Variants in BMPR2 observed in about 807,000 individuals in gnomAD.
BMPR2 encodes the protein bone morphogenetic protein receptor type 2.
Under a neutral mutation model 100.8 loss-of-function variants are expected in BMPR2, and 29 were observed. The ratio of observed to expected loss-of-function variants is 0.29; its 90% confidence interval spans 0.21 to 0.39. BMPR2 has a LOEUF of 0.39. BMPR2 is among the 10% of genes least tolerant of loss of function. The probability of loss-of-function intolerance (pLI) is 1.00; values close to 1 mark genes in which losing one functional copy is unlikely to be tolerated. For missense variants in BMPR2, 1,011 were observed against 1,274.5 expected, an observed-to-expected ratio of 0.79 and a Z score of 3.15; for synonymous variants, 382 against 442.3, an observed-to-expected ratio of 0.86 and a Z score of 1.71.
intron 7 of BMPR2, among the ~76,000 whole-genome samples, chr2:202,525,789 T>C (rs925960187): frequency 6.6e-6 from 1 of 152,006 alleles, no homozygotes; most frequent in Non-Finnish European, 1.5e-5. Context: ...GCTATGTAGT[T>C]ATATTCCCTG....
intron 3 of BMPR2, among the ~76,000 whole-genome samples, chr2:202,509,087 A>C (rs946620585): frequency 2.6e-5 from 4 of 152,154 alleles, no homozygotes; most frequent in Admixed American, 1.3e-4. Flanking sequence ...GCTGTATGAG[A>C]GTGATTTTAA....
At chr2:202,453,205 C>CT (rs5837819) in intron 1 of BMPR2, among the ~76,000 whole-genome samples, 29,368 of 148,626 alleles carry the variant, frequency 0.2, 3,564 homozygotes, top group East Asian at 0.54. Context: ...TATATACTGT[C>CT]TTTTTTTTTT....
intron 1 of BMPR2, among the ~76,000 whole-genome samples, chr2:202,433,862 C>T (rs1038354137): frequency 2.0e-5 from 3 of 150,138 alleles, no homozygotes; most frequent in Non-Finnish European, 2.9e-5. Context: ...GAGCCAAGAT[C>T]GCACGACTAC....
intron 1 of BMPR2, among the ~76,000 whole-genome samples, chr2:202,425,268 G>C (rs1427101879): frequency 2.0e-5 from 3 of 152,158 alleles, no homozygotes; most frequent in African/African-American, 7.2e-5. Context: ...CCTTGCCCCA[G>C]CCAGAATAGA....
At chr2:202,522,220 A>C (rs1315621326) in intron 7 of BMPR2, among the ~76,000 whole-genome samples, 1 of 152,008 alleles carries the variant, frequency 6.6e-6, no homozygotes, top group Non-Finnish European at 1.5e-5. Flanking sequence ...TAAGAATTTA[A>C]TTCTTGGCCG....
At chr2:202,450,398 G>A (rs1202811794) in intron 1 of BMPR2, among the ~76,000 whole-genome samples, 1 of 152,038 alleles carries the variant, frequency 6.6e-6, no homozygotes. Flanking sequence ...CTTTACAAAA[G>A]ATTTCACCAT....
rs1408517445 is a variant in BMPR2 at position 202,441,101 on chromosome 2, C to T, written c.77-23708C>T. ...GTTCAAGCAAATCACCTTCCTCAGC[C>T]TCCCGAGTAGCTGGGACTACAGGCG... On this transcript the variant is annotated intron_variant, in intron 1 of 12. Transcript: ENST00000374580. 1.3e-5 allele frequency among the ~76,000 whole-genome samples: 2 copies of T among 149,958 alleles called. 1 individual carries two copies. The highest frequency in any genetic ancestry group is 5.1e-5 in the African/African-American group (2 of 39,384).
chr2:202,492,752 T>C (rs1434052153), intron 3 of BMPR2, among the ~76,000 whole-genome samples: 1 of 127,424 alleles, frequency 7.8e-6, no homozygotes, highest in African/African-American at 3.0e-5. Flanking sequence ...AGGAAATCAG[T>C]GTGCGAAGTG....
intron 10 of BMPR2, among the ~76,000 whole-genome samples, chr2:202,546,756 AC>A (rs2106035541): frequency 6.6e-6 from 1 of 152,202 alleles, no homozygotes; most frequent in Non-Finnish European, 1.5e-5. Flanking sequence ...GTCACGTGCC[AC>A]CATGCCTGAC....
At position 202,377,306 on chromosome 2, in the gene BMPR2, G is replaced by A; in HGVS notation, c.-169G>A. On this transcript the variant is annotated 5_prime_UTR_variant, in exon 1 of 13. An upstream start codon of the reference 5' UTR is lost. Coordinates refer to ENST00000374580, the MANE Select transcript of BMPR2 (RefSeq NM_001204.7). ...ATGAAGGGAATTTCTGCAGCGGCATGAAAGCTCTGCAGCTAGGTCCTCTCA... is the reference window on the plus strand; with the variant it reads ...ATGAAGGGAATTTCTGCAGCGGCATAAAAGCTCTGCAGCTAGGTCCTCTCA... The A allele has an allele frequency of 1.4e-6, 1 of 706,726 alleles. No homozygotes were observed. The highest frequency in any genetic ancestry group is 2.6e-6 in the Non-Finnish European group (1 of 387,416). 43.8% of individuals were successfully genotyped at this position (706,726 alleles called of 1,614,324 possible).
chr2:202,515,616 G>A (rs1289685314), intron 5 of BMPR2, among the ~76,000 whole-genome samples: 1 of 151,698 alleles, frequency 6.6e-6, no homozygotes, highest in Non-Finnish European at 1.5e-5. Context: ...ATGGCCAGGT[G>A]CAGTGGCTCA....
At chr2:202,412,044 TTATG>T (rs1691023139) in intron 1 of BMPR2, among the ~76,000 whole-genome samples, 2 of 152,278 alleles carry the variant, frequency 1.3e-5, no homozygotes, top group Admixed American at 6.5e-5. Flanking sequence ...TTGCAAGTGA[TTATG>T]TAAGGTTTGT....
intron 9 of BMPR2, among the ~76,000 whole-genome samples, chr2:202,534,317 G>A (rs934395097): frequency 5.7e-4 from 86 of 151,000 alleles, no homozygotes; most frequent in African/African-American, 1.9e-3. Context: ...AGGGGGATTT[G>A]GCTGGGTCAT....
intron 1 of BMPR2, among the ~76,000 whole-genome samples, chr2:202,406,035 TA>T (rs1382361337): frequency 1.3e-4 from 20 of 152,238 alleles, no homozygotes; most frequent in Non-Finnish European, 2.6e-4. Flanking sequence ...CAGTGGTTTG[TA>T]TTTCACTTCT....
intron 7 of BMPR2, among the ~76,000 whole-genome samples, chr2:202,524,627 A>T (rs1386752882): frequency 1.3e-5 from 2 of 151,842 alleles, no homozygotes; most frequent in African/African-American, 2.4e-5. Flanking sequence ...GCATAGTAGC[A>T]TGCATCTCAG....
Position 202,448,963 on chromosome 2 carries a change from A to G in BMPR2, c.77-15846A>G, listed in dbSNP as rs13028313. Among the ~76,000 whole-genome samples the G allele has an allele frequency of 1.8e-4, 19 of 106,198 alleles. No homozygotes were observed. In the East Asian group the frequency reaches 3.7e-3, roughly 20 times the overall value. 69.7% of individuals were successfully genotyped at this position (106,198 alleles called of 152,430 possible). ...TGTGTGTGTGTGTGTGTGTGTGTGT[A>G]TTTTTTGTTTTAATCAGCTTTTGCT... On this transcript the variant is annotated intron_variant, in intron 1 of 12. Coordinates refer to ENST00000374580, the MANE Select transcript of BMPR2 (RefSeq NM_001204.7).
At chr2:202,485,545 C>CTTTTTTTTTGTTTTTTTTTTTTTTTTTTT (rs1692757452) in intron 3 of BMPR2, among the ~76,000 whole-genome samples, 1 of 64,010 alleles carries the variant, frequency 1.6e-5, no homozygotes, top group Non-Finnish European at 2.7e-5. Context: ...TTGCCTTTAT[C>CTTTTTTTTTGTTTTTTTTTTTTTTTTTTT]TTTTTTTTTT....
At chr2:202,423,492 T>C (rs989969069) in intron 1 of BMPR2, among the ~76,000 whole-genome samples, 4 of 152,194 alleles carry the variant, frequency 2.6e-5, no homozygotes, top group Non-Finnish European at 5.9e-5. Flanking sequence ...GGCACACACC[T>C]GTAATCCCAG....
At chr2:202,460,103 AAAATAACATATGC>A (rs1215317757) in intron 1 of BMPR2, among the ~76,000 whole-genome samples, 1 of 152,226 alleles carries the variant, frequency 6.6e-6, no homozygotes, top group Non-Finnish European at 1.5e-5. Context: ...AAAAAGTCAA[AAAATAACATATGC>A]CAGGAAGGTT....
Sources: allele counts gnomAD v4.1 joint callset (sites outside exome capture counted in the v4.1 genomes callset), GRCh38; gene constraint gnomAD v4.1.1; transcripts MANE v1.5; gene names NCBI Gene and HGNC (gene_info 2026-07-23, HGNC 2026-07-21).